The following OSBPL1A variants were observed in gnomAD, a reference collection of about 807,000 sequenced individuals.
OSBPL1A encodes oxysterol-binding protein-related protein 1.
Under a neutral mutation model 137.1 loss-of-function variants are expected in OSBPL1A, and 80 were observed. That is an observed-to-expected ratio of 0.58 (90% CI 0.49 to 0.70). OSBPL1A has a LOEUF of 0.70. OSBPL1A is among the 30% of genes least tolerant of loss of function. The pLI, the probability that OSBPL1A is intolerant of heterozygous loss-of-function variation, is 0.00. For synonymous variants in OSBPL1A, 365 were observed against 389.7 expected, an observed-to-expected ratio of 0.94 and a Z score of 0.75; for missense variants, 970 against 1,129.4, an observed-to-expected ratio of 0.86 and a Z score of 2.02.
intron 2 of OSBPL1A, 43 bp from the exon 3 acceptor site, chr18:24,368,415 G>A: frequency 7.0e-7 from 1 of 1,434,122 alleles, no homozygotes; most frequent in Non-Finnish European, 9.8e-7. Flanking sequence ...TCATATTTAG[G>A]TAATTTTACA....
intron 18 of OSBPL1A, among the ~76,000 whole-genome samples, chr18:24,184,197 CATTTA>C (rs2086682926): frequency 6.6e-6 from 1 of 151,982 alleles, no homozygotes; most frequent in South Asian, 2.1e-4. Flanking sequence ...AGAGCATGCT[CATTTA>C]ATTAATTAAT....
At chr18:24,298,375 C>T (rs2090331516) in intron 14 of OSBPL1A, among the ~76,000 whole-genome samples, 1 of 152,190 alleles carries the variant, frequency 6.6e-6, no homozygotes, top group South Asian at 2.1e-4. Flanking sequence ...TGAGTTCTTT[C>T]TTGCTCTGTC....
intron 15 of OSBPL1A, among the ~76,000 whole-genome samples, chr18:24,245,294 G>A (rs1025515284): frequency 6.6e-6 from 1 of 151,748 alleles, no homozygotes; most frequent in Non-Finnish European, 1.5e-5. Flanking sequence ...GTCTCCCTAC[G>A]TTGCCCAGGC....
In OSBPL1A at chr18:24,333,216, T is replaced by C. The variant is rs1273023956; in HGVS notation, c.481-130A>G. ...CCTTGGCATCCAGGCTGTTAGTGGT[T>C]TCTTGCTCACTAAACCAGCCAACCC... On this transcript the variant is annotated intron_variant, in intron 6 of 27. Coordinates refer to ENST00000319481, the MANE Select transcript of OSBPL1A (RefSeq NM_080597.4). 2.9e-6 allele frequency: 3 copies of C among 1,031,792 alleles called. No homozygotes were observed. The African/African-American group carries it at 4.9e-5, about 17-fold the overall frequency. 63.9% of individuals were successfully genotyped at this position (1,031,792 alleles called of 1,614,324 possible).
chr18:24,229,155 T>C (rs1427614007), intron 16 of OSBPL1A, among the ~76,000 whole-genome samples: 3 of 152,158 alleles, frequency 2.0e-5, no homozygotes, highest in Non-Finnish European at 4.4e-5. Context: ...TGAGCTAAGA[T>C]TGAACCACTG....
At chr18:24,297,969 G>T (rs1394204708) in intron 14 of OSBPL1A, among the ~76,000 whole-genome samples, 1 of 152,162 alleles carries the variant, frequency 6.6e-6, no homozygotes, top group African/African-American at 2.4e-5. Flanking sequence ...ATTCCCAGAT[G>T]GTTAAGGCAT....
At chr18:24,298,011 A>C (rs2090324348) in intron 14 of OSBPL1A, among the ~76,000 whole-genome samples, 1 of 152,188 alleles carries the variant, frequency 6.6e-6, no homozygotes, top group African/African-American at 2.4e-5. Context: ...GGAGGTCAGC[A>C]CAAAATACAG....
chr18:24,236,015 G>A (rs1334286386), intron 16 of OSBPL1A, among the ~76,000 whole-genome samples: 2 of 152,144 alleles, frequency 1.3e-5, no homozygotes, highest in African/African-American at 2.4e-5. Flanking sequence ...GGGAATGCAG[G>A]CAGGTCCCTA....
intron 17 of OSBPL1A, among the ~76,000 whole-genome samples, chr18:24,199,458 A>T (rs2087146676): frequency 6.6e-6 from 1 of 151,754 alleles, no homozygotes; most frequent in East Asian, 1.9e-4. Flanking sequence ...GACGTGACAT[A>T]AGGTACACTC....
chr18:24,318,306 C>T (rs185588449), intron 9 of OSBPL1A, among the ~76,000 whole-genome samples: 83 of 151,984 alleles, frequency 5.5e-4, no homozygotes, highest in Non-Finnish European at 9.0e-4. Flanking sequence ...TAGCCAGGCA[C>T]GGTGGCGGGC....
chr18:24,361,304 G>A (rs2091618011), intron 4 of OSBPL1A, among the ~76,000 whole-genome samples: 1 of 152,204 alleles, frequency 6.6e-6, no homozygotes, highest in Admixed American at 6.5e-5. Flanking sequence ...TGGCATTACA[G>A]ACATGTGCCA....
At chr18:24,256,522 G>T (rs1021785727) in intron 15 of OSBPL1A, among the ~76,000 whole-genome samples, 1 of 152,100 alleles carries the variant, frequency 6.6e-6, no homozygotes, top group East Asian at 1.9e-4. Flanking sequence ...ACTAAATGAG[G>T]AAAAACTGAA....
chr18:24,293,125 A>AAAAAAAAAAAAAAAAAAAAAAAAAAAG (rs200624581), intron 14 of OSBPL1A, among the ~76,000 whole-genome samples: 4 of 82,060 alleles, frequency 4.9e-5, no homozygotes, highest in Non-Finnish European at 1.1e-4. Context: ...AAAAAAAAAA[A>AAAAAAAAAAAAAAAAAAAAAAAAAAAG]AAAGAAAAGA....
At position 24,171,425 on chromosome 18, in the gene OSBPL1A, A is replaced by G; in HGVS notation, c.2275T>C (p.Tyr759His). ...AAATTTTACCTTTTATCTTGAATGT[A>G]GCCTTCAACTTTGTGTAATTCCTTA... ...FGKELHKVEG[Y>H]IQDKSKKKLC... Residue 759 changes from tyrosine to histidine, a missense_variant, in exon 23 of 28, where the codon TAC becomes CAC. Transcript: ENST00000319481. 6.2e-7 allele frequency: 1 copy of G among 1,612,572 alleles called. No individual in the cohort carries two copies. Among genetic ancestry groups the G allele is most frequent in the Non-Finnish European group, 8.5e-7 (1 of 1,178,984 alleles).
intron 15 of OSBPL1A, among the ~76,000 whole-genome samples, chr18:24,274,995 A>G (rs1056735589): frequency 3.9e-5 from 6 of 152,172 alleles, no homozygotes; most frequent in East Asian, 1.9e-4. Flanking sequence ...TGGAAGCCAC[A>G]GCGCAATTCC....
intron 7 of OSBPL1A, among the ~76,000 whole-genome samples, chr18:24,320,768 C>T (rs1474380003): frequency 1.3e-5 from 2 of 152,000 alleles, no homozygotes; most frequent in African/African-American, 2.4e-5. Flanking sequence ...TGACGCATGC[C>T]TGTAATCCCA....
chr18:24,173,011 A>G lies in OSBPL1A; in HGVS notation c.2094-528T>C, dbSNP rs140758590. On this transcript the variant is annotated intron_variant, in intron 21 of 27. Transcript: ENST00000319481. ...ATGGAATCAACCTAAATGCCCATCAATGATAGATTGGATAAAGCAAACGTG... is the reference window on the plus strand; with the variant it reads ...ATGGAATCAACCTAAATGCCCATCAGTGATAGATTGGATAAAGCAAACGTG... Among the ~76,000 whole-genome samples, 118 of 152,354 alleles carry G rather than the reference A, an allele frequency of 7.7e-4. 1 individual carries two copies. Among genetic ancestry groups the G allele is most frequent in the African/African-American group, 2.6e-3 (109 of 41,588 alleles).
intron 17 of OSBPL1A, among the ~76,000 whole-genome samples, chr18:24,210,144 G>A (rs1189347395): frequency 6.6e-6 from 1 of 152,108 alleles, no homozygotes; most frequent in Non-Finnish European, 1.5e-5. Context: ...GAAGACCCCA[G>A]GGCCAGGTGC....
At position 24,163,129 on chromosome 18, in the gene OSBPL1A, G is replaced by GAA. The variant is rs545785614; in HGVS notation, c.*49_*50insTT. On this transcript the variant is annotated 3_prime_UTR_variant, in exon 28 of 28. Transcript: ENST00000319481. ...CAAGGGAAAAAAATTTAAAAACATA[G>GAA]GTTTAAGACTTATTTGTAGATTAGC... 3.4e-3 allele frequency: 4,744 copies of GAA among 1,387,552 alleles called. 29 individuals carry two copies. The highest frequency in any genetic ancestry group is 7.9e-3 in the South Asian group (639 of 80,680). 86.0% of individuals were successfully genotyped at this position (1,387,552 alleles called of 1,614,324 possible).
Sources: gnomAD v4.1 joint callset for allele counts (sites outside exome capture counted in the v4.1 genomes callset) on GRCh38, gnomAD v4.1.1 for gene constraint, MANE v1.5 for transcripts, NCBI Gene and HGNC (gene_info 2026-07-23, HGNC 2026-07-21) for gene names.